Variants in RGS7 observed in about 807,000 individuals in gnomAD.
The protein encoded by RGS7 is regulator of G-protein signaling 7.
A neutral mutation model predicts 81.1 loss-of-function variants in RGS7; 27 were observed. The observed-to-expected ratio is 0.33, with a 90% CI of 0.25 to 0.46. The LOEUF (loss-of-function observed/expected upper bound fraction) is 0.46, where lower values mean the gene tolerates loss of function less well. Among genes scored for constraint, RGS7 ranks in the 20% least tolerant of loss-of-function variants. The pLI, the probability that RGS7 is intolerant of heterozygous loss-of-function variation, is 1.00. For synonymous variants in RGS7, 208 were observed against 207.7 expected, an observed-to-expected ratio of 1.00 and a Z score of -0.01; for missense variants, 396 against 607.4, an observed-to-expected ratio of 0.65 and a Z score of 3.66.
chr1:241,237,027 C>T (rs777175649), intron 2 of RGS7, among the ~76,000 whole-genome samples: 29 of 152,076 alleles, frequency 1.9e-4, no homozygotes, highest in Non-Finnish European at 2.6e-4. Context: ...TAATGGTCTT[C>T]GGAGAAAATG....
At chr1:240,941,848 C>A (rs1167032110) in intron 4 of RGS7, among the ~76,000 whole-genome samples, 10 of 150,768 alleles carry the variant, frequency 6.6e-5, no homozygotes. Context: ...AGTAATCTGT[C>A]AAGATCACTC....
intron 2 of RGS7, among the ~76,000 whole-genome samples, chr1:241,189,033 G>C (rs1403774633): frequency 1.3e-5 from 2 of 152,056 alleles, no homozygotes; most frequent in South Asian, 4.1e-4. Flanking sequence ...GGTGTTCAGT[G>C]GTGCAGTCAT....
rs540884703 is a variant in RGS7, at chr1:241,254,538, T to G, written c.78+101161A>C. 3.3e-5 allele frequency among the ~76,000 whole-genome samples: 5 copies of G among 152,290 alleles called. No homozygotes were observed. The East Asian group carries it at 9.6e-4, about 29-fold the overall frequency. On this transcript the variant is annotated intron_variant, in intron 2 of 18. Coordinates refer to ENST00000440928, the MANE Select transcript of RGS7 (RefSeq NM_001364886.1). ...AAAGAGCTCTGGTTCCTTCATCTTC[T>G]AAGGATACTAATCCCATGACCTCAT... is the stretch of plus-strand genomic sequence containing the variant.
intron 2 of RGS7, among the ~76,000 whole-genome samples, chr1:241,178,229 T>C (rs1232352870): frequency 6.6e-6 from 1 of 151,902 alleles, no homozygotes; most frequent in East Asian, 1.9e-4. Flanking sequence ...GCATTTGAGA[T>C]TGCAATAAGC....
At chr1:241,335,524 A>G (rs2082195889) in intron 2 of RGS7, among the ~76,000 whole-genome samples, 1 of 152,330 alleles carries the variant, frequency 6.6e-6, no homozygotes, top group African/African-American at 2.4e-5. Context: ...ATCTGTTGTT[A>G]AAATGTTATC....
chr1:241,190,055 A>G (rs534705952), intron 2 of RGS7, among the ~76,000 whole-genome samples: 5 of 152,172 alleles, frequency 3.3e-5, no homozygotes, highest in African/African-American at 1.2e-4. Context: ...GTGAGCCGAG[A>G]TGGCGCCACT....
intron 2 of RGS7, among the ~76,000 whole-genome samples, chr1:241,224,003 CA>C (rs34609438): frequency 0.14 from 17,694 of 129,048 alleles, 1,125 homozygotes; most frequent in Middle Eastern, 0.22. Context: ...TGGGTCCCTC[CA>C]AAAAAAAAAA....
In RGS7 at chr1:241,154,950, G is replaced by A. The variant is rs541302453; in HGVS notation, c.79-56188C>T. On this transcript the variant is annotated intron_variant, in intron 2 of 18. Transcript: ENST00000440928. ...CCATTTTTTAAAAAAAGAATGTCAC[G>A]CAGACTGAAAAAGAAAATCAAAATA... 7.0e-4 allele frequency among the ~76,000 whole-genome samples: 106 copies of A among 152,092 alleles called. 1 individual carries two copies. Among genetic ancestry groups the A allele is most frequent in the Middle Eastern group, 3.4e-3 (1 of 294 alleles).
chr1:240,909,499 C>G (rs1405536432), intron 6 of RGS7, among the ~76,000 whole-genome samples: 1 of 152,058 alleles, frequency 6.6e-6, no homozygotes, highest in Non-Finnish European at 1.5e-5. Flanking sequence ...GATAACACAG[C>G]CATGGAATCT....
intron 6 of RGS7, among the ~76,000 whole-genome samples, chr1:240,911,891 C>T (rs1671810469): frequency 6.6e-6 from 1 of 151,582 alleles, no homozygotes; most frequent in Admixed American, 6.6e-5. Flanking sequence ...CCTGTAATCC[C>T]AGCACTTTGG....
chr1:240,870,121 T>C lies in RGS7; in HGVS notation c.386-2A>G. 6.2e-7 allele frequency: 1 copy of C among 1,613,602 alleles called. No homozygotes were observed. The highest frequency in any genetic ancestry group is 8.5e-7 in the Non-Finnish European group (1 of 1,179,728). The stretch of plus-strand genomic sequence containing the variant: ...TTGTTCTCTTGCAGAGGTAAACGGC[T>C]GAAAAAAAAATCAATCATTTCTTGC... On this transcript the variant is annotated splice_acceptor_variant, in intron 6 of 18. Transcript: ENST00000440928. LOFTEE classifies it high-confidence loss of function.
rs1295472395 is a variant in RGS7, at chr1:240,806,120, G to C, written c.1269+20C>G. 42 of 1,609,456 alleles carry C rather than the reference G, an allele frequency of 2.6e-5. No individual in the cohort carries two copies. The highest frequency in any genetic ancestry group is 3.6e-5 in the Non-Finnish European group (42 of 1,176,638). On this transcript the variant is annotated intron_variant, in intron 15 of 18. Coordinates refer to ENST00000440928, the MANE Select transcript of RGS7 (RefSeq NM_001364886.1). ...CTTCTCGGAAGCACGTTTGTGGTGTGAGGCTCACCGTACACCCACCTGAGC... is the reference window on the plus strand; with the variant it reads ...CTTCTCGGAAGCACGTTTGTGGTGTCAGGCTCACCGTACACCCACCTGAGC...
chr1:241,260,005 A>T (rs982822856), intron 2 of RGS7, among the ~76,000 whole-genome samples: 7 of 152,180 alleles, frequency 4.6e-5, no homozygotes, highest in African/African-American at 1.7e-4. Flanking sequence ...AATGAATGAA[A>T]GTCATTTACC....
chr1:240,985,139 A>C (rs548551862), intron 3 of RGS7, among the ~76,000 whole-genome samples: 7 of 152,206 alleles, frequency 4.6e-5, no homozygotes, highest in Non-Finnish European at 8.8e-5. Flanking sequence ...CGATCTTCCC[A>C]TTGAAAAAGA....
rs926920746 is a variant in RGS7 at position 240,868,177 on chromosome 1, C to T, written c.609+410G>A. Among the ~76,000 whole-genome samples the T allele has an allele frequency of 1.0e-4, 13 of 130,624 alleles. No homozygotes were observed. In the South Asian group the frequency reaches 2.1e-3, roughly 21 times the overall value. The allele number at this position is 130,624 out of a possible 152,430, so 85.7% of individuals were successfully genotyped here. The stretch of plus-strand genomic sequence containing the variant: ...AAGAAAGGACGGAGGGAGGGAAGGA[C>T]GAAGGAAGGAAGGAAGGAACGAAGG... On this transcript the variant is annotated intron_variant, in intron 9 of 18. Transcript: ENST00000440928. The surrounding 1 kb of genome is among the most constrained non-coding windows in gnomAD (Gnocchi z 5.1).
chr1:240,902,880 T>C (rs1052193910), intron 6 of RGS7, among the ~76,000 whole-genome samples: 15 of 152,206 alleles, frequency 9.9e-5, no homozygotes, highest in African/African-American at 3.6e-4. Context: ...GAAGAATATG[T>C]ATATGTGTTT....
chr1:241,113,569 C>T (rs886108994), intron 2 of RGS7, among the ~76,000 whole-genome samples: 1 of 152,106 alleles, frequency 6.6e-6, no homozygotes, highest in Non-Finnish European at 1.5e-5. Flanking sequence ...GCACCTGCTC[C>T]CTTAACGTTT....
chr1:240,849,203 C>T (rs1020706716), intron 9 of RGS7, among the ~76,000 whole-genome samples: 1 of 152,134 alleles, frequency 6.6e-6, no homozygotes, highest in Non-Finnish European at 1.5e-5. Context: ...CCTTTAATTA[C>T]ATGTTTCATT....
intron 2 of RGS7, among the ~76,000 whole-genome samples, chr1:241,171,943 T>C (rs1353910475): frequency 6.6e-6 from 1 of 152,228 alleles, no homozygotes; most frequent in Non-Finnish European, 1.5e-5. Flanking sequence ...GGCTGTTTGA[T>C]ATTGTGTAGA....
Sources: gnomAD v4.1 joint callset for allele counts (sites outside exome capture counted in the v4.1 genomes callset) on GRCh38, gnomAD v4.1.1 for gene constraint, Gnocchi (gnomAD v3.1) non-coding constraint, MANE v1.5 for transcripts, NCBI Gene and HGNC (gene_info 2026-07-23, HGNC 2026-07-21) for gene names.